Variants in AR observed in about 807,000 individuals in gnomAD.
The protein encoded by AR is androgen receptor, also known as dihydrotestosterone receptor.
Under a neutral mutation model 53.9 loss-of-function variants are expected in AR, and 8 were observed. That is an observed-to-expected ratio of 0.15 (90% CI 0.09 to 0.27). The LOEUF (loss-of-function observed/expected upper bound fraction) is 0.27. AR is among the 10% of genes least tolerant of loss of function. The probability of loss-of-function intolerance (pLI) is 1.00; values close to 1 mark genes in which losing one functional copy is unlikely to be tolerated. For synonymous variants in AR, 359 were observed against 316.4 expected (o/e 1.13, Z -1.43); for missense variants, 639 against 742.5 (o/e 0.86, Z 1.62).
At chrX:67,661,192 G>A (rs1267089912) in intron 2 of AR, among the ~76,000 whole-genome samples, 1 of 111,087 alleles carries the variant, frequency 9.0e-6, no homozygotes, top group Non-Finnish European at 1.9e-5. Flanking sequence ...TTTCCTAATT[G>A]AATGCCCTTT....
chrX:67,691,512 G>T (rs941756038), intron 3 of AR, among the ~76,000 whole-genome samples: 2 of 112,066 alleles, frequency 1.8e-5, no homozygotes, highest in African/African-American at 6.5e-5. Flanking sequence ...GAGGAGCTTT[G>T]TAACTCAGGA....
chrX:67,658,763 T>C (rs1926712357), intron 2 of AR, among the ~76,000 whole-genome samples: 1 of 110,916 alleles, frequency 9.0e-6, no homozygotes, highest in African/African-American at 3.3e-5. Context: ...CCACGAGGGG[T>C]TTGGAAATCA....
chrX:67,629,586 C>T (rs1194309789), intron 1 of AR, among the ~76,000 whole-genome samples: 2 of 110,008 alleles, frequency 1.8e-5, no homozygotes. Flanking sequence ...TTCAAAAAAC[C>T]ACCTCCTGGA....
At chrX:67,547,857 C>T (rs1211260608) in intron 1 of AR, among the ~76,000 whole-genome samples, 1 of 111,908 alleles carries the variant, frequency 8.9e-6, no homozygotes, top group Non-Finnish European at 1.9e-5. Flanking sequence ...TTTTAATTAG[C>T]ATATGAGAAA....
chrX:67,624,856 C>T (rs1296438072), intron 1 of AR, among the ~76,000 whole-genome samples: 1 of 85,884 alleles, frequency 1.2e-5, no homozygotes, highest in Non-Finnish European at 2.1e-5. Flanking sequence ...ACTGTTCTCA[C>T]CATTTCAATT....
intron 3 of AR, among the ~76,000 whole-genome samples, chrX:67,692,206 A>G (rs1335147098): frequency 8.9e-6 from 1 of 112,017 alleles, no homozygotes; most frequent in Non-Finnish European, 1.9e-5. Flanking sequence ...AGAGTGTCAT[A>G]AAGAATTAAC....
At chrX:67,604,258 T>C (rs771443581) in intron 1 of AR, among the ~76,000 whole-genome samples, 1 of 98,947 alleles carries the variant, frequency 1.0e-5, no homozygotes, top group South Asian at 4.9e-4. Context: ...GTGCCATTTC[T>C]GGGACTAAGG....
chrX:67,596,413 A>G (rs1466949738), intron 1 of AR, among the ~76,000 whole-genome samples: 1 of 110,900 alleles, frequency 9.0e-6, no homozygotes, highest in Admixed American at 9.6e-5. Context: ...TTTTCAATTG[A>G]TATTTACTCT....
rs1292512743 is a variant in AR at position 67,544,258 on chromosome X, G to A, written c.-889G>A. 1 of 172,835 alleles carries A rather than the reference G, an allele frequency of 5.8e-6. No homozygotes were observed. The highest frequency in any genetic ancestry group is 1.1e-5 in the Non-Finnish European group (1 of 90,368). The allele number at this position is 172,835 out of a possible 1,213,427, so 14.2% of individuals were successfully genotyped here. A position where few individuals can be genotyped will look rare whatever the true frequency, so the allele number is the denominator to read the frequency against. On this transcript the variant is annotated 5_prime_UTR_variant, in exon 1 of 8. Coordinates refer to ENST00000374690, the MANE Select transcript of AR (RefSeq NM_000044.6). The stretch of plus-strand genomic sequence containing the variant: ...CCGGAGCTGCCCTTTCCTCTTCGGT[G>A]AAGTTTTTAAAAGCTGCTAAAGACT...
At chrX:67,638,975 T>C (rs755662667) in intron 1 of AR, among the ~76,000 whole-genome samples, 8 of 110,921 alleles carry the variant, frequency 7.2e-5, no homozygotes, top group African/African-American at 2.3e-4. Context: ...ACGTGACTCA[T>C]CTTGATTTAA....
intron 1 of AR, among the ~76,000 whole-genome samples, chrX:67,597,359 G>A (rs1392342676): frequency 9.0e-6 from 1 of 111,614 alleles, no homozygotes; most frequent in African/African-American, 3.3e-5. Flanking sequence ...ACTGACCTCA[G>A]CTCTTGAACT....
In AR at chrX:67,711,830, T is replaced by C. The variant is rs1213938072; in HGVS notation, c.2173+141T>C. ...CATAACCCTGTGGGAGAGGGATTGT[T>C]ACAAGTCTCAATTTAAACATACAGG... On this transcript the variant is annotated intron_variant, in intron 4 of 7. Coordinates refer to ENST00000374690, the MANE Select transcript of AR (RefSeq NM_000044.6). The C allele has an allele frequency of 1.4e-5, 9 of 637,550 alleles. No individual in the cohort carries two copies. In the East Asian group the frequency reaches 2.9e-4, roughly 21 times the overall value. 52.5% of individuals were successfully genotyped at this position (637,550 alleles called of 1,213,427 possible). A position where few individuals can be genotyped will look rare whatever the true frequency, so the allele number is the denominator to read the frequency against.
At position 67,728,608 on chromosome X, in the gene AR, TATATATA is replaced by T. The variant is rs2076168126; in HGVS notation, c.*4768_*4774del. The T allele has an allele frequency of 1.0e-5, 1 of 95,722 alleles. No individual in the cohort carries two copies. Among genetic ancestry groups the T allele is most frequent in the Non-Finnish European group, 2.0e-5 (1 of 48,862 alleles). 7.9% of individuals were successfully genotyped at this position (95,722 alleles called of 1,213,427 possible). Reference sequence around the variant, plus strand: ...ATATATATATATATATATATATATATATATATAGTGTGTGTGTGTGTTCTGATAGCTT... The same window carrying T: ...ATATATATATATATATATATATATATGTGTGTGTGTGTGTTCTGATAGCTT... On this transcript the variant is annotated 3_prime_UTR_variant, in exon 8 of 8. Transcript: ENST00000374690.
At chrX:67,567,061 C>A (rs1332711734) in intron 1 of AR, among the ~76,000 whole-genome samples, 1 of 110,928 alleles carries the variant, frequency 9.0e-6, no homozygotes, top group Admixed American at 9.6e-5. Flanking sequence ...CTGCTGTTTT[C>A]ACTATTCCAC....
rs772532449 is a variant in AR at position 67,574,791 on chromosome X, G to A, written c.1616+28029G>A. 2.7e-5 allele frequency among the ~76,000 whole-genome samples: 3 copies of A among 111,509 alleles called. No homozygotes were observed. In the South Asian group the frequency reaches 1.1e-3, roughly 42 times the overall value. ...AACTGCCCCTTTTCATAGAGGTGTG[G>A]CAACTGCTGGGAAGGAAGAAATTAG... On this transcript the variant is annotated intron_variant, in intron 1 of 7. Coordinates refer to ENST00000374690, the MANE Select transcript of AR (RefSeq NM_000044.6).
intron 2 of AR, among the ~76,000 whole-genome samples, chrX:67,657,725 A>G (rs898346063): frequency 9.0e-6 from 1 of 111,583 alleles, no homozygotes. Flanking sequence ...AATACTTAAA[A>G]CTTGTCTTCA....
intron 1 of AR, among the ~76,000 whole-genome samples, chrX:67,627,293 T>A (rs1403041197): frequency 2.7e-5 from 3 of 111,586 alleles, no homozygotes; most frequent in Admixed American, 9.5e-5. Flanking sequence ...CCAGCACCTG[T>A]TGTTTCCTGA....
chrX:67,559,460 C>T (rs1602154767), intron 1 of AR, among the ~76,000 whole-genome samples: 1 of 111,751 alleles, frequency 8.9e-6, no homozygotes, highest in Admixed American at 9.5e-5. Context: ...TAAGAAGGGA[C>T]ACTTCCCAGG....
chrX:67,715,484 A>T (rs935290930), intron 4 of AR, among the ~76,000 whole-genome samples: 1 of 111,104 alleles, frequency 9.0e-6, no homozygotes, highest in Non-Finnish European at 1.9e-5. Context: ...GGGCTATATG[A>T]GTGGACAGGG....
Sources: gnomAD v4.1 joint callset for allele counts (sites outside exome capture counted in the v4.1 genomes callset) on GRCh38, gnomAD v4.1.1 for gene constraint, MANE v1.5 for transcripts, NCBI Gene and HGNC (gene_info 2026-07-23, HGNC 2026-07-21) for gene names.